The following GCNT2 variants were observed in gnomAD, a reference collection of about 807,000 sequenced individuals.
GCNT2 encodes the protein glucosaminyl (N-acetyl) transferase 2 (I blood group), also known as N-acetyllactosaminide beta-1,6-N-acetylglucosaminyl-transferase.
In GCNT2, 34 loss-of-function variants were observed where a neutral mutation model predicts 34.2. That is an observed-to-expected ratio of 1.00 (90% confidence interval 0.76 to 1.32). The LOEUF (loss-of-function observed/expected upper bound fraction) is 1.32, where lower values mean the gene tolerates loss of function less well. GCNT2 is among the 40% of genes most tolerant of loss of function. The pLI is 0.00. For synonymous variants in GCNT2, 212 were observed against 188.0 expected (o/e 1.13, Z -1.04); for missense variants, 584 against 489.4 (o/e 1.19, Z -1.82).
At position 10,552,295 on chromosome 6, in the gene GCNT2, C is replaced by T. The variant is rs1200694480; in HGVS notation, c.925+22459C>T. Among the ~76,000 whole-genome samples, 18 of 143,032 alleles carry T rather than the reference C, an allele frequency of 1.3e-4. 1 individual carries two copies. Among genetic ancestry groups the T allele is most frequent in the Admixed American group, 1.2e-3 (18 of 14,800 alleles). 93.8% of individuals were successfully genotyped at this position (143,032 alleles called of 152,430 possible). On this transcript the variant is annotated intron_variant, in intron 3 of 4. Transcript: ENST00000495262. ...TTCATGTTAGTATCATGATCATTAT[C>T]ATGTTAAAAAAAAAAAAAAAATTTA...
intron 3 of GCNT2, among the ~76,000 whole-genome samples, chr6:10,532,658 G>A (rs1229938747): frequency 6.6e-6 from 1 of 152,050 alleles, no homozygotes; most frequent in East Asian, 1.9e-4. Context: ...TTGTAGAGAC[G>A]AGGTCCTGCT....
rs140082732 is a variant in GCNT2 at position 10,569,853 on chromosome 6, T to C, written c.925+40017T>C. 5.0e-4 allele frequency among the ~76,000 whole-genome samples: 69 copies of C among 138,242 alleles called. No homozygotes were observed. The East Asian group carries it at 0.011, about 21-fold the overall frequency. The allele number at this position is 138,242 out of a possible 152,430, so 90.7% of individuals were successfully genotyped here. A position where few individuals can be genotyped will look rare whatever the true frequency, so the allele number is the denominator to read the frequency against. ...CCTTCCTTCCTTCCTTCCTTTCTCT[T>C]TCTTTCTCTTTCTTTCTTTCTTTCT... is the stretch of plus-strand genomic sequence containing the variant. On this transcript the variant is annotated intron_variant, in intron 3 of 4. Transcript: ENST00000495262.
intron 3 of GCNT2, among the ~76,000 whole-genome samples, chr6:10,548,268 A>G (rs1400067621): frequency 6.6e-6 from 1 of 152,150 alleles, no homozygotes; most frequent in Non-Finnish European, 1.5e-5. Flanking sequence ...GAAAGTGAAC[A>G]CCACAGTTCT....
intron 3 of GCNT2, among the ~76,000 whole-genome samples, chr6:10,596,755 G>A (rs1486778287): frequency 1.3e-5 from 2 of 151,418 alleles, no homozygotes; most frequent in East Asian, 3.9e-4. Flanking sequence ...AAGACAATGA[G>A]TCCAAAGTAT....
rs1296327869 is a variant in GCNT2 at position 10,529,360 on chromosome 6, C to T, written c.449C>T (p.Ala150Val). The change falls in exon 3 of 5, where the codon GCT becomes GTT. Residue 150 changes from alanine (A) to valine (V), a missense_variant. Transcript: ENST00000495262. ...CAGTTACTCAGCTGCTTCCCAAATG[C>T]TTTTCTGGCTTCCAAGAAGGAGTCG... Reference protein sequence around the residue: ...VKQLLSCFPNAFLASKKESVV... With the variant: ...VKQLLSCFPNVFLASKKESVV... 1 of 1,613,946 alleles carries T rather than the reference C, an allele frequency of 6.2e-7. No individual in the cohort carries two copies. Among genetic ancestry groups the T allele is most frequent in the Admixed American group, 1.7e-5 (1 of 59,984 alleles).
At chr6:10,624,992 T>C (rs1766196011) in intron 4 of GCNT2, among the ~76,000 whole-genome samples, 1 of 152,230 alleles carries the variant, frequency 6.6e-6, no homozygotes, top group Admixed American at 6.5e-5. Flanking sequence ...CTTCCATTTC[T>C]TTAAGCGTGT....
intron 3 of GCNT2, among the ~76,000 whole-genome samples, chr6:10,536,911 G>A (rs1008215590): frequency 1.3e-5 from 2 of 151,662 alleles, no homozygotes; most frequent in South Asian, 2.1e-4. Flanking sequence ...GACTACAGGC[G>A]CCCGCCACCA....
intron 3 of GCNT2, among the ~76,000 whole-genome samples, chr6:10,538,803 C>T (rs1209697955): frequency 6.6e-6 from 1 of 152,016 alleles, no homozygotes; most frequent in Admixed American, 6.6e-5. Flanking sequence ...CCAATTATAC[C>T]ATCTTCTGGG....
chr6:10,578,529 C>G (rs1236467858), intron 3 of GCNT2, among the ~76,000 whole-genome samples: 8 of 141,290 alleles, frequency 5.7e-5, no homozygotes. Flanking sequence ...TCACTGCAAG[C>G]TCTGCCTCCT....
chr6:10,604,814 G>A (rs1765237823), intron 3 of GCNT2, among the ~76,000 whole-genome samples: 1 of 150,938 alleles, frequency 6.6e-6, no homozygotes, highest in Admixed American at 6.6e-5. Flanking sequence ...ACCTGTGATT[G>A]CACCACTGCA....
chr6:10,536,126 C>G (rs76764942), intron 3 of GCNT2, among the ~76,000 whole-genome samples: 1,546 of 152,142 alleles, frequency 0.01, 24 homozygotes, highest in African/African-American at 0.035. Flanking sequence ...AGGGCAGATC[C>G]GAATCAAGGT....
At chr6:10,523,431 GAAAAAA>G (rs34628756) in intron 1 of GCNT2, among the ~76,000 whole-genome samples, 1 of 122,472 alleles carries the variant, frequency 8.2e-6, no homozygotes, top group Non-Finnish European at 1.8e-5. Context: ...CGTCTCAAAA[GAAAAAA>G]AAAAAAAAAA....
rs70991023 is a variant in GCNT2 at position 10,538,408 on chromosome 6, CAAAAAAAAAAAA to C, written c.925+8591_925+8602del. Reference sequence around the variant, plus strand: ...GGGCGACAAGAGTGAGACTCCGTCTCAAAAAAAAAAAAAAAAAAAAAAAAAAAAAATATATAT... The same window carrying C: ...GGGCGACAAGAGTGAGACTCCGTCTCAAAAAAAAAAAAAAAAAATATATAT... On this transcript the variant is annotated intron_variant, in intron 3 of 4. Coordinates refer to ENST00000495262, the MANE Select transcript of GCNT2 (RefSeq NM_145649.5). 3.0e-4 allele frequency among the ~76,000 whole-genome samples: 12 copies of C among 40,190 alleles called. No homozygotes were observed. The East Asian group carries it at 4.3e-3, about 15-fold the overall frequency. The allele number at this position is 40,190 out of a possible 152,430, so 26.4% of individuals were successfully genotyped here.
At chr6:10,573,442 C>A in intron 3 of GCNT2, 2 of 227,698 alleles carry the variant, frequency 8.8e-6, no homozygotes, top group Non-Finnish European at 1.5e-5. Flanking sequence ...AGTGGGGTTG[C>A]TAGGGAAGTA....
intron 3 of GCNT2, among the ~76,000 whole-genome samples, chr6:10,569,404 C>G (rs909833824): frequency 2.0e-5 from 3 of 152,158 alleles, no homozygotes; most frequent in African/African-American, 7.2e-5. Flanking sequence ...TCACCGCAGC[C>G]TCAAACTCCT....
chr6:10,599,238 G>C (rs141992269), intron 3 of GCNT2, among the ~76,000 whole-genome samples: 96 of 152,272 alleles, frequency 6.3e-4, no homozygotes, highest in Admixed American at 3.1e-3. Context: ...ATTGTACCAG[G>C]TGCGCTGTTC....
At chr6:10,585,714 C>T (rs139108774) in intron 3 of GCNT2, 6 of 1,294,694 alleles carry the variant, frequency 4.6e-6, no homozygotes, top group African/African-American at 1.5e-5. Context: ...CTGGGCTGGG[C>T]TTAGCTGAGC....
chr6:10,539,967 A>G (rs1263746735), intron 3 of GCNT2, among the ~76,000 whole-genome samples: 1 of 152,132 alleles, frequency 6.6e-6, no homozygotes, highest in Non-Finnish European at 1.5e-5. Flanking sequence ...AGTCCCAGCT[A>G]CTTGGGAGGC....
chr6:10,623,559 G>C (rs1766136731), intron 4 of GCNT2, among the ~76,000 whole-genome samples: 1 of 152,024 alleles, frequency 6.6e-6, no homozygotes, highest in South Asian at 2.1e-4. Flanking sequence ...CAAAGTGCTG[G>C]GATTACAGGC....
Sources: gnomAD v4.1 joint callset for allele counts (sites outside exome capture counted in the v4.1 genomes callset) on GRCh38, gnomAD v4.1.1 for gene constraint, MANE v1.5 for transcripts, NCBI Gene and HGNC (gene_info 2026-07-23, HGNC 2026-07-21) for gene names.